Variants in RAB33B observed in about 807,000 individuals in gnomAD.
The protein encoded by RAB33B is RAB33B, member RAS oncogene family, also known as ras-related protein Rab-33B.
RAB33B carries 6 observed loss-of-function variants against 15.0 expected under a neutral mutation model. The observed-to-expected ratio is 0.40, with a 90% CI of 0.22 to 0.79. The LOEUF is 0.79. Ranked by LOEUF, RAB33B falls within the 30% of genes least tolerant of loss-of-function variation. The pLI is 0.37. For missense variants in RAB33B, 257 were observed against 296.4 expected (o/e 0.87, Z 0.98); for synonymous variants, 117 against 108.3 (o/e 1.08, Z -0.50).
the RAB33B span, among the ~76,000 whole-genome samples, chr4:139,443,086 G>A: frequency 4.0e-5 from 6 of 151,596 alleles, no homozygotes; most frequent in Admixed American, 6.6e-5. Context: ...TCTGCCTCCC[G>A]GGTTCACGCC....
At chr4:139,440,811 A>T in the RAB33B span, among the ~76,000 whole-genome samples, 1 of 152,236 alleles carries the variant, frequency 6.6e-6, no homozygotes, top group South Asian at 2.1e-4. Context: ...GGATTTTGCC[A>T]TGTTGGCCAT....
the RAB33B span, among the ~76,000 whole-genome samples, chr4:139,446,269 G>A: frequency 5.3e-5 from 8 of 152,130 alleles, no homozygotes; most frequent in East Asian, 3.9e-4. Flanking sequence ...ACTAGGGCCC[G>A]GTTCACGGAT....
the RAB33B span, among the ~76,000 whole-genome samples, chr4:139,443,908 C>T: frequency 5.3e-5 from 8 of 152,278 alleles, no homozygotes; most frequent in Admixed American, 3.9e-4. Context: ...GGCAAGATAA[C>T]GTTGATTCTC....
chr4:139,439,236 G>A, the RAB33B span, among the ~76,000 whole-genome samples: 1 of 152,228 alleles, frequency 6.6e-6, no homozygotes, highest in African/African-American at 2.4e-5. Context: ...TCCTGACCTC[G>A]TGATCCGCCC....
At chr4:139,453,776 T>C (rs896051819), upstream of RAB33B, 1 of 156,708 alleles carries the variant, frequency 6.4e-6, no homozygotes, top group African/African-American at 2.4e-5. Context: ...CTCAGTTGTC[T>C]GTCTCTCCCC....
upstream of RAB33B, chr4:139,452,260 T>C (rs1184417814): frequency 6.6e-6 from 1 of 152,220 alleles, no homozygotes; most frequent in Non-Finnish European, 1.5e-5. Flanking sequence ...ACATAACATA[T>C]AATCATGAAA....
intron 1 of RAB33B, among the ~76,000 whole-genome samples, chr4:139,464,741 G>C (rs1287432254): frequency 3.9e-5 from 6 of 152,182 alleles, no homozygotes. Context: ...TGGCTGCATA[G>C]TATTCCATGG....
chr4:139,442,758 A>T, the RAB33B span, among the ~76,000 whole-genome samples: 1 of 152,038 alleles, frequency 6.6e-6, no homozygotes, highest in African/African-American at 2.4e-5. Context: ...TGTGAGTTAA[A>T]ACTACTTAAT....
At chr4:139,463,145 A>C (rs1009676708) in intron 1 of RAB33B, among the ~76,000 whole-genome samples, 1 of 152,180 alleles carries the variant, frequency 6.6e-6, no homozygotes, top group African/African-American at 2.4e-5. Flanking sequence ...CAACCTGGCA[A>C]GAGTGAGACC....
the RAB33B span, among the ~76,000 whole-genome samples, chr4:139,446,451 C>T: frequency 1.7e-3 from 254 of 152,174 alleles, 1 homozygote; most frequent in African/African-American, 5.9e-3. Context: ...GCCAGATGTG[C>T]GATTATATAC....
chr4:139,454,596 C>T (rs1419692226), intron 1 of RAB33B, 152 bp downstream of exon 1: 1 of 866,362 alleles, frequency 1.2e-6, no homozygotes, highest in East Asian at 2.7e-5. Context: ...GATTGCAATA[C>T]TGCAAACTTC....
At chr4:139,445,113 G>A in the RAB33B span, among the ~76,000 whole-genome samples, 1 of 152,232 alleles carries the variant, frequency 6.6e-6, no homozygotes. Context: ...TGCTGTATCA[G>A]ATGCGGTTTC....
At chr4:139,458,619 A>G (rs1464483281) in intron 1 of RAB33B, among the ~76,000 whole-genome samples, 3 of 152,230 alleles carry the variant, frequency 2.0e-5, no homozygotes, top group African/African-American at 7.2e-5. Context: ...ATAGTGTTAC[A>G]TGGTATGTAT....
At position 139,466,961 on chromosome 4, in the gene RAB33B, C is replaced by CTTTTTTTT. The variant is rs35504904; in HGVS notation, c.250-5707_250-5700dup. Among the ~76,000 whole-genome samples, 15 of 68,480 alleles carry CTTTTTTTT rather than the reference C, an allele frequency of 2.2e-4. 1 individual carries two copies. Among genetic ancestry groups the CTTTTTTTT allele is most frequent in the Non-Finnish European group, 3.4e-4 (13 of 37,746 alleles). The allele number at this position is 68,480 out of a possible 152,430, so 44.9% of individuals were successfully genotyped here. Reference sequence around the variant, plus strand: ...TTGATAGTGTCCTTAGAAGCACAAACTTTTTTTTTTTTTTTTTTTTTTTTT... The same window carrying CTTTTTTTT: ...TTGATAGTGTCCTTAGAAGCACAAACTTTTTTTTTTTTTTTTTTTTTTTTTTTTTTTTT... On this transcript the variant is annotated intron_variant, in intron 1 of 1. Transcript: ENST00000305626.
At chr4:139,467,346 G>A (rs1414141020) in intron 1 of RAB33B, among the ~76,000 whole-genome samples, 1 of 89,440 alleles carries the variant, frequency 1.1e-5, no homozygotes, top group Non-Finnish European at 2.3e-5. Context: ...TTAAGAGACA[G>A]GGTTTCCCTA....
chr4:139,456,068 T>A (rs895713750), intron 1 of RAB33B, among the ~76,000 whole-genome samples: 1 of 152,228 alleles, frequency 6.6e-6, no homozygotes, highest in African/African-American at 2.4e-5. Flanking sequence ...GGGATCATGA[T>A]ACCTTATCAG....
chr4:139,468,599 A>C (rs911687109), intron 1 of RAB33B, among the ~76,000 whole-genome samples: 1 of 152,204 alleles, frequency 6.6e-6, no homozygotes, highest in African/African-American at 2.4e-5. Flanking sequence ...TTTATACACC[A>C]CAGTTACAGT....
At chr4:139,462,053 CTTTTT>C (rs1171840158) in intron 1 of RAB33B, among the ~76,000 whole-genome samples, 1 of 135,454 alleles carries the variant, frequency 7.4e-6, no homozygotes, top group Admixed American at 7.5e-5. Context: ...GATGACAGCT[CTTTTT>C]TTTTTTTTTT....
chr4:139,463,972 A>G (rs923035000), intron 1 of RAB33B, among the ~76,000 whole-genome samples: 4 of 152,188 alleles, frequency 2.6e-5, no homozygotes, highest in African/African-American at 9.7e-5. Flanking sequence ...GCTCTACAGT[A>G]AAGTGTAGAG....
Sources: allele counts gnomAD v4.1 joint callset (sites outside exome capture counted in the v4.1 genomes callset), GRCh38; gene constraint gnomAD v4.1.1; transcripts MANE v1.5; gene names NCBI Gene and HGNC (gene_info 2026-07-23, HGNC 2026-07-21).